The following FAM78B variants were observed in gnomAD, a reference collection of about 807,000 sequenced individuals.
The protein encoded by FAM78B is family with sequence similarity 78 member B, also known as protein FAM78B.
In FAM78B, 10 loss-of-function variants were observed where a neutral mutation model predicts 20.0. That is an observed-to-expected ratio of 0.50 (90% CI 0.31 to 0.85). The LOEUF (loss-of-function observed/expected upper bound fraction) is 0.85. FAM78B is among the 40% of genes least tolerant of loss of function. The pLI is 0.05. For missense variants in FAM78B, 283 were observed against 345.0 expected, an observed-to-expected ratio of 0.82 and a Z score of 1.42; for synonymous variants, 135 against 132.8, an observed-to-expected ratio of 1.02 and a Z score of -0.12.
intron 1 of FAM78B, among the ~76,000 whole-genome samples, chr1:166,096,815 G>A (rs1653295717): frequency 6.6e-6 from 1 of 152,186 alleles, no homozygotes; most frequent in South Asian, 2.1e-4. Context: ...AAGATGAAGA[G>A]TTGTCTTCAA....
intron 1 of FAM78B, among the ~76,000 whole-genome samples, chr1:166,071,673 A>C (rs1317419965): frequency 6.6e-6 from 1 of 152,272 alleles, no homozygotes; most frequent in Non-Finnish European, 1.5e-5. Flanking sequence ...CAAGATAAAT[A>C]CATTTTTATT....
In FAM78B at chr1:166,070,763, C is replaced by T. The variant is rs759693482; in HGVS notation, c.264G>A (p.Met88Ile). The T allele has an allele frequency of 1.3e-6, 2 of 1,544,376 alleles. No homozygotes were observed. Among genetic ancestry groups the T allele is most frequent in the Non-Finnish European group, 1.7e-6 (2 of 1,148,942 alleles). ...TCAAGTCAGGCAGTTCCCAGCTTGA[C>T]CTGGCAAAGCAGAAGACATGCACAA... Reference protein sequence around the residue: ...EFFNTYSDLGMSSWELPDLRE... With the variant: ...EFFNTYSDLGISSWELPDLRE... The change falls in exon 2 of 2, where the codon ATG becomes ATA. Residue 88 changes from methionine (M) to isoleucine (I), a missense_variant and splice_region_variant. Met to Ile is a conservative substitution (Grantham distance 10). Transcript: ENST00000354422.
intron 1 of FAM78B, among the ~76,000 whole-genome samples, chr1:166,140,619 A>C (rs2101788374): frequency 6.6e-6 from 1 of 152,378 alleles, no homozygotes; most frequent in East Asian, 1.9e-4. Flanking sequence ...ATGCTGAATA[A>C]GCCATCAAGG....
chr1:166,108,843 C>T (rs1653889629), intron 1 of FAM78B, among the ~76,000 whole-genome samples: 1 of 152,088 alleles, frequency 6.6e-6, no homozygotes, highest in South Asian at 2.1e-4. Flanking sequence ...ATAGAGAACC[C>T]AGAAATAAAT....
intron 1 of FAM78B, among the ~76,000 whole-genome samples, chr1:166,072,703 G>A (rs1652096343): frequency 1.3e-5 from 2 of 152,194 alleles, no homozygotes. Flanking sequence ...CACTTTGGCT[G>A]TGACCAGTCC....
intron 1 of FAM78B, among the ~76,000 whole-genome samples, chr1:166,100,414 G>A (rs552941516): frequency 6.2e-4 from 94 of 152,340 alleles, no homozygotes; most frequent in Admixed American, 1.0e-3. Context: ...CCCAGGAAGT[G>A]CAAGGGGTCA....
chr1:166,063,925 G>A (rs1012258346), intron 2 of FAM78B, among the ~76,000 whole-genome samples: 1 of 152,252 alleles, frequency 6.6e-6, no homozygotes, highest in Non-Finnish European at 1.5e-5. Context: ...CAGAGGATGG[G>A]CTCCTATGCT....
intron 1 of FAM78B, among the ~76,000 whole-genome samples, chr1:166,096,318 G>A (rs1220540561): frequency 6.6e-6 from 1 of 152,168 alleles, no homozygotes; most frequent in Non-Finnish European, 1.5e-5. Flanking sequence ...TCAGCACATG[G>A]CCTGGCCACT....
intron 1 of FAM78B, among the ~76,000 whole-genome samples, chr1:166,088,922 T>C (rs1003406163): frequency 3.9e-5 from 6 of 152,156 alleles, no homozygotes; most frequent in African/African-American, 1.4e-4. Context: ...CTCTGGCCTC[T>C]GACTCCCCAG....
At chr1:166,105,246 A>T (rs1653721614) in intron 1 of FAM78B, among the ~76,000 whole-genome samples, 1 of 152,234 alleles carries the variant, frequency 6.6e-6, no homozygotes, top group Non-Finnish European at 1.5e-5. Flanking sequence ...CAAAACCATA[A>T]AAACCCTAGA....
chr1:166,114,514 C>A (rs1448996594), intron 1 of FAM78B, among the ~76,000 whole-genome samples: 1 of 152,214 alleles, frequency 6.6e-6, no homozygotes, highest in African/African-American at 2.4e-5. Flanking sequence ...GAGACAAATT[C>A]TCCAGAACCA....
At position 166,117,861 on chromosome 1, in the gene FAM78B, C is replaced by G. The variant is rs116787299; in HGVS notation, c.264-47098G>C. 9.6e-3 allele frequency among the ~76,000 whole-genome samples: 1,467 copies of G among 152,134 alleles called. 21 individuals are homozygous for G. Among genetic ancestry groups the G allele is most frequent in the African/African-American group, 0.032 (1,331 of 41,476 alleles). On this transcript the variant is annotated intron_variant, in intron 1 of 1. Coordinates refer to ENST00000354422, the MANE Select transcript of FAM78B (RefSeq NM_001017961.5). ...GTTCTAAAAGACAGAGTCAGGAGCACAGCTGGAATGGAAAGCCAAGCAGAC... is the reference window on the plus strand; with the variant it reads ...GTTCTAAAAGACAGAGTCAGGAGCAGAGCTGGAATGGAAAGCCAAGCAGAC...
intron 1 of FAM78B, among the ~76,000 whole-genome samples, chr1:166,074,679 T>C (rs1288265336): frequency 6.6e-6 from 1 of 152,230 alleles, no homozygotes; most frequent in Non-Finnish European, 1.5e-5. Flanking sequence ...AAATCTAACA[T>C]CTATTCATTT....
downstream of FAM78B, among the ~76,000 whole-genome samples, chr1:166,065,532 A>G (rs1200248616): frequency 6.6e-6 from 1 of 151,808 alleles, no homozygotes; most frequent in African/African-American, 2.4e-5. Context: ...GAAATGAAAA[A>G]CTCTTTATAA....
chr1:166,150,078 T>C (rs954978704), intron 1 of FAM78B, among the ~76,000 whole-genome samples: 8 of 152,180 alleles, frequency 5.3e-5, no homozygotes, highest in African/African-American at 1.4e-4. Flanking sequence ...TGATACTGCA[T>C]AGGGACAATG....
At chr1:166,148,296 G>A (rs553336843) in intron 1 of FAM78B, among the ~76,000 whole-genome samples, 1 of 152,308 alleles carries the variant, frequency 6.6e-6, no homozygotes, top group Non-Finnish European at 1.5e-5. Context: ...CAAATTATTT[G>A]CTGTGCCCAG....
chr1:166,097,701 C>T (rs1183013185), intron 1 of FAM78B, among the ~76,000 whole-genome samples: 1 of 152,156 alleles, frequency 6.6e-6, no homozygotes, highest in African/African-American at 2.4e-5. Context: ...GAATCTTACC[C>T]CCATCCCCAC....
At chr1:166,117,001 A>G (rs1439433126) in intron 1 of FAM78B, among the ~76,000 whole-genome samples, 1 of 152,206 alleles carries the variant, frequency 6.6e-6, no homozygotes, top group Admixed American at 6.5e-5. Context: ...TCTGCCTTTT[A>G]AAGTAATAAA....
At chr1:166,081,623 G>A (rs566862077) in intron 1 of FAM78B, among the ~76,000 whole-genome samples, 26 of 152,288 alleles carry the variant, frequency 1.7e-4, no homozygotes, top group African/African-American at 6.3e-4. Flanking sequence ...ACTGGGACTT[G>A]TGCCAGGCCC....
Sources: gnomAD v4.1 joint callset for allele counts (sites outside exome capture counted in the v4.1 genomes callset) on GRCh38, gnomAD v4.1.1 for gene constraint, MANE v1.5 for transcripts, NCBI Gene and HGNC (gene_info 2026-07-23, HGNC 2026-07-21) for gene names.